The following TMED8 variants were observed in gnomAD, a reference collection of about 807,000 sequenced individuals.
TMED8 encodes the protein transmembrane p24 trafficking protein family member 8, also known as protein TMED8.
A neutral mutation model predicts 32.7 loss-of-function variants in TMED8; 15 were observed. The ratio of observed to expected loss-of-function variants is 0.46; its 90% confidence interval spans 0.31 to 0.71. The LOEUF (loss-of-function observed/expected upper bound fraction) is 0.71, where lower values mean the gene tolerates loss of function less well. TMED8 is among the 30% of genes least tolerant of loss of function. The pLI is 0.06. For missense variants in TMED8, 390 were observed against 423.9 expected, an observed-to-expected ratio of 0.92 and a Z score of 0.70; for synonymous variants, 147 against 161.4, an observed-to-expected ratio of 0.91 and a Z score of 0.68.
intron 2 of TMED8, among the ~76,000 whole-genome samples, chr14:77,348,098 T>A (rs951804954): frequency 2.6e-5 from 4 of 152,220 alleles, no homozygotes; most frequent in African/African-American, 9.6e-5. Flanking sequence ...GATTTATGTC[T>A]CTCTTTGTAC....
At chr14:77,356,407 G>A (rs1399666352) in intron 1 of TMED8, among the ~76,000 whole-genome samples, 1 of 152,060 alleles carries the variant, frequency 6.6e-6, no homozygotes. Flanking sequence ...TGTAGAAAAT[G>A]TTAAACATAT....
chr14:77,355,984 A>C (rs1192391952), intron 1 of TMED8, among the ~76,000 whole-genome samples: 1 of 152,202 alleles, frequency 6.6e-6, no homozygotes, highest in African/African-American at 2.4e-5. Flanking sequence ...AGAGAAGATA[A>C]TTTTCAGAAA....
chr14:77,371,073 T>C (rs1893669264), intron 1 of TMED8, among the ~76,000 whole-genome samples: 1 of 152,202 alleles, frequency 6.6e-6, no homozygotes, highest in Non-Finnish European at 1.5e-5. Context: ...TTTCTACAGC[T>C]GATTAGTATT....
At position 77,375,202 on chromosome 14, in the gene TMED8, A is replaced by C. The variant is rs563819893; in HGVS notation, c.118+1734T>G. Among the ~76,000 whole-genome samples the C allele has an allele frequency of 2.0e-5, 3 of 152,304 alleles. No individual in the cohort carries two copies. In the South Asian group the frequency reaches 6.2e-4, roughly 32 times the overall value. ...CAAGAGGAAGAGCTTGCTCTGGGCT[A>C]CTATAATAAACCCCTACATGACATT... On this transcript the variant is annotated intron_variant, in intron 1 of 5. Coordinates refer to ENST00000216468, the MANE Select transcript of TMED8 (RefSeq NM_213601.3).
chr14:77,344,464 A>G (rs1892981754), intron 3 of TMED8, among the ~76,000 whole-genome samples: 1 of 152,266 alleles, frequency 6.6e-6, no homozygotes, highest in Non-Finnish European at 1.5e-5. Context: ...GCATTTAAAC[A>G]GTACATTTGC....
chr14:77,375,241 A>G (rs1253145277), intron 1 of TMED8, among the ~76,000 whole-genome samples: 1 of 152,160 alleles, frequency 6.6e-6, no homozygotes, highest in Non-Finnish European at 1.5e-5. Context: ...AAAAAAAATT[A>G]TCACCCTGCA....
At chr14:77,369,658 A>C (rs1893632733) in intron 1 of TMED8, among the ~76,000 whole-genome samples, 1 of 152,190 alleles carries the variant, frequency 6.6e-6, no homozygotes, top group South Asian at 2.1e-4. Flanking sequence ...TTGTCCTTGG[A>C]TCTCTATAGC....
rs766271690 is a variant in TMED8 at position 77,351,728 on chromosome 14, C to T, written c.142G>A (p.Asp48Asn). 1 of 1,612,966 alleles carries T rather than the reference C, an allele frequency of 6.2e-7. No homozygotes were observed. The highest frequency in any genetic ancestry group is 1.7e-5 in the Admixed American group (1 of 59,858). ...ASENEDLENK[D>N]TSLLASATDP... ...GTGGCAGAAGCCAATAAAGAGGTAT[C>T]CTTGTTTTCTAGATCTTCATTCTCT... The change falls in exon 2 of 6, where the codon GAT (aspartate) becomes AAT (asparagine). Residue 48 changes from aspartate to asparagine, a missense_variant. By Grantham distance (23) the Asp-to-Asn change is conservative. Transcript: ENST00000216468.
chr14:77,351,811 T>C, intron 1 of TMED8, 60 bp from the exon 2 acceptor site: 1 of 1,399,762 alleles, frequency 7.1e-7, no homozygotes, highest in South Asian at 1.3e-5. Context: ...CATAATTATC[T>C]TGTACCTTTA....
intron 1 of TMED8, among the ~76,000 whole-genome samples, chr14:77,368,534 G>C (rs1463081534): frequency 6.6e-6 from 1 of 152,108 alleles, no homozygotes; most frequent in Non-Finnish European, 1.5e-5. Flanking sequence ...TTGGAGTGCA[G>C]TGGCATGGTC....
chr14:77,344,511 G>T (rs959374263), intron 3 of TMED8, among the ~76,000 whole-genome samples: 4 of 152,168 alleles, frequency 2.6e-5, no homozygotes, highest in African/African-American at 7.2e-5. Context: ...AATGCAAATG[G>T]CATTTGATAC....
intron 5 of TMED8, 60 bp downstream of exon 5, chr14:77,343,118 A>G: frequency 1.3e-6 from 2 of 1,547,320 alleles, no homozygotes; most frequent in Non-Finnish European, 1.7e-6. Flanking sequence ...AACCCACAAA[A>G]TGGTCACCAG....
rs539835797 is a variant in TMED8 at position 77,371,455 on chromosome 14, C to T, written c.118+5481G>A. On this transcript the variant is annotated intron_variant, in intron 1 of 5. Coordinates refer to ENST00000216468, the MANE Select transcript of TMED8 (RefSeq NM_213601.3). ...TTAATGTATACTGGAAAAAAATATG[C>T]TTTTGATTTTTTTTCTTTCCATCCC... is the stretch of plus-strand genomic sequence containing the variant. 2.7e-4 allele frequency among the ~76,000 whole-genome samples: 41 copies of T among 152,266 alleles called. No homozygotes were observed. The South Asian group carries it at 8.5e-3, about 32-fold the overall frequency.
At chr14:77,360,675 C>T (rs899221489) in intron 1 of TMED8, among the ~76,000 whole-genome samples, 4 of 152,122 alleles carry the variant, frequency 2.6e-5, no homozygotes, top group Admixed American at 6.5e-5. Flanking sequence ...GTATCTGAGG[C>T]GGTGATTTCA....
chr14:77,358,181 TCACACACA>T (rs75880149), intron 1 of TMED8, among the ~76,000 whole-genome samples: 41,070 of 145,250 alleles, frequency 0.28, 6,268 homozygotes, highest in East Asian at 0.4. Context: ...ATGTAATATA[TCACACACA>T]CACACACACA....
rs191395275 is a variant in TMED8 at position 77,377,088 on chromosome 14, C to T, written c.-35G>A. On this transcript the variant is annotated 5_prime_UTR_variant, in exon 1 of 6. Transcript: ENST00000216468. Reference sequence around the variant, plus strand: ...GCGCACGGAGCTCTCCGCTGCCAGCCGCGAGTGGCTCCGGAAACAGCCGAA... The same window carrying T: ...GCGCACGGAGCTCTCCGCTGCCAGCTGCGAGTGGCTCCGGAAACAGCCGAA... 189 of 1,288,916 alleles carry T rather than the reference C, an allele frequency of 1.5e-4. No individual in the cohort carries two copies. Among genetic ancestry groups the T allele is most frequent in the Non-Finnish European group, 1.8e-4 (181 of 999,162 alleles). 79.8% of individuals were successfully genotyped at this position (1,288,916 alleles called of 1,614,324 possible).
chr14:77,338,881 C>A lies in TMED8; in HGVS notation c.*2890G>T, dbSNP rs1892826344. ...GTCTTCCTTTCTAAAAGGCCCATCT[C>A]TCAACAAAGTGGCAAAACTAAAACT... On this transcript the variant is annotated 3_prime_UTR_variant, in exon 6 of 6. Coordinates refer to ENST00000216468, the MANE Select transcript of TMED8 (RefSeq NM_213601.3). 1 of 152,234 alleles carries A rather than the reference C, an allele frequency of 6.6e-6. No individual in the cohort carries two copies. The highest frequency in any genetic ancestry group is 6.5e-5 in the Admixed American group (1 of 15,282). 9.4% of individuals were successfully genotyped at this position (152,234 alleles called of 1,614,324 possible).
intron 3 of TMED8, among the ~76,000 whole-genome samples, chr14:77,345,986 A>AG (rs1893020935): frequency 6.6e-6 from 1 of 151,234 alleles, no homozygotes; most frequent in South Asian, 2.1e-4. Context: ...AAAAAAAAAA[A>AG]AAGCTTCTGT....
At chr14:77,363,706 CTCTT>C (rs1299759021) in intron 1 of TMED8, among the ~76,000 whole-genome samples, 2 of 151,292 alleles carry the variant, frequency 1.3e-5, no homozygotes, top group Non-Finnish European at 2.9e-5. Flanking sequence ...AACATTATTC[CTCTT>C]TTTTTTTTTT....
Sources: allele counts gnomAD v4.1 joint callset (sites outside exome capture counted in the v4.1 genomes callset), GRCh38; gene constraint gnomAD v4.1.1; transcripts MANE v1.5; gene names NCBI Gene and HGNC (gene_info 2026-07-23, HGNC 2026-07-21).